The following BIRC7 variants were observed in gnomAD, a reference collection of about 807,000 sequenced individuals.
The protein encoded by BIRC7 is baculoviral IAP repeat containing 7, also known as baculoviral IAP repeat-containing protein 7.
A neutral mutation model predicts 33.2 loss-of-function variants in BIRC7; 26 were observed. The ratio of observed to expected loss-of-function variants is 0.78; its 90% CI spans 0.57 to 1.09. BIRC7 has a LOEUF of 1.09. Ranked by LOEUF, BIRC7 falls within the 50% of genes least tolerant of loss-of-function variation. BIRC7 has a pLI of 0.00. For synonymous variants in BIRC7, 176 were observed against 171.0 expected, an observed-to-expected ratio of 1.03 and a Z score of -0.23; for missense variants, 409 against 401.2, an observed-to-expected ratio of 1.02 and a Z score of -0.17.
In BIRC7 at chr20:63,238,740, C is replaced by G. The variant is rs766000016; in HGVS notation, c.577+126C>G. 7 of 1,356,318 alleles carry G rather than the reference C, an allele frequency of 5.2e-6. No individual in the cohort carries two copies. In the Admixed American group the frequency reaches 1.3e-4, roughly 26 times the overall value. The allele number at this position is 1,356,318 out of a possible 1,614,324, so 84.0% of individuals were successfully genotyped here. On this transcript the variant is annotated intron_variant, in intron 4 of 6. Transcript: ENST00000217169. ...GACGGGCACGTGACAGGGTGTGACGCTGCTGCCTGGGTTGGCTTCAGGGGG... is the reference window on the plus strand; with the variant it reads ...GACGGGCACGTGACAGGGTGTGACGGTGCTGCCTGGGTTGGCTTCAGGGGG...
rs781384192 is a variant in BIRC7, at chr20:63,239,176, T to C, written c.592T>C (p.Tyr198His). The stretch of plus-strand genomic sequence containing the variant: ...ACTGTCCACAGTCCCTGCCTCTGGG[T>C]ACCCTGAGCTGCCCACACCCAGGAG... ...PVAPSVPASGYPELPTPRREV... is the reference protein window; with the variant it reads ...PVAPSVPASGHPELPTPRREV... Residue 198 changes from tyrosine to histidine, a missense_variant, in exon 5 of 7, where the codon TAC becomes CAC. Tyr to His is a moderately conservative substitution (Grantham distance 83, BLOSUM62 2). Transcript: ENST00000217169. 1.6e-5 allele frequency: 26 copies of C among 1,612,580 alleles called. No homozygotes were observed. In the Admixed American group the frequency reaches 1.8e-4, roughly 11 times the overall value.
intron 4 of BIRC7, 29 bp from the exon 5 acceptor site, chr20:63,239,133 G>T: frequency 6.2e-7 from 1 of 1,605,066 alleles, no homozygotes. Context: ...TTGGGAGTTA[G>T]GCCTCAAGTC....
rs534321225 is a variant in BIRC7 at position 63,239,784 on chromosome 20, C to T, written c.*5+174C>T. The stretch of plus-strand genomic sequence containing the variant: ...CCATCAATCTTACTACCTCCCTTGA[C>T]GCTTAGGTTGGGGCCTGGTCCTTCG... On this transcript the variant is annotated intron_variant, in intron 6 of 6. Coordinates refer to ENST00000217169, the MANE Select transcript of BIRC7 (RefSeq NM_139317.3). Among the ~76,000 whole-genome samples, 12 of 152,336 alleles carry T rather than the reference C, an allele frequency of 7.9e-5. No homozygotes were observed. The South Asian group carries it at 1.7e-3, about 21-fold the overall frequency.
Position 63,236,402 on chromosome 20 carries a change from G to T in BIRC7, c.306G>T (p.Glu102Asp), listed in dbSNP as rs765794477. ...TCTATGACTGGCCGCTGACTGCTGA[G>T]GTGCCACCCGAGCTGCTGGCTGCTG... ...ASFYDWPLTA[E>D]VPPELLAAAG... The change falls in exon 1 of 7, where the codon GAG (glutamate) becomes GAT (aspartate). Residue 102 changes from glutamate to aspartate, a missense_variant. Glu to Asp is a conservative substitution (Grantham distance 45, BLOSUM62 2). Coordinates refer to ENST00000217169, the MANE Select transcript of BIRC7 (RefSeq NM_139317.3). The T allele has an allele frequency of 6.4e-7, 1 of 1,558,422 alleles. No homozygotes were observed. The highest frequency in any genetic ancestry group is 2.3e-5 in the East Asian group (1 of 44,238).
chr20:63,238,955 G>A (rs2066711272), intron 4 of BIRC7: 1 of 648,358 alleles, frequency 1.5e-6, no homozygotes, highest in Non-Finnish European at 2.7e-6. Flanking sequence ...CATTGGACAA[G>A]GGACAGGCTC....
In BIRC7 at chr20:63,239,531, T is replaced by C. The variant is rs144498460; in HGVS notation, c.823T>C (p.Cys275Arg). ...GTGCGGCCACCTGGTCTGTGCTGAG[T>C]GTGCCCCCGGCCTGCAGCTGTGCCC... is the stretch of plus-strand genomic sequence containing the variant. ...VPCGHLVCAE[C>R]APGLQLCPIC... The change falls in exon 6 of 7, where the codon TGT becomes CGT. Residue 275 changes from cysteine to arginine, a missense_variant. Coordinates refer to ENST00000217169, the MANE Select transcript of BIRC7 (RefSeq NM_139317.3). The C allele has an allele frequency of 9.3e-6, 15 of 1,604,754 alleles. No individual in the cohort carries two copies. The South Asian group carries it at 1.6e-4, about 18-fold the overall frequency.
chr20:63,236,329 G>T lies in BIRC7; in HGVS notation c.233G>T (p.Gly78Val), dbSNP rs1165758274. Residue 78 changes from glycine (G) to valine (V), a missense_variant, in exon 1 of 7, where the codon GGG (glycine) becomes GTG (valine). Coordinates refer to ENST00000217169, the MANE Select transcript of BIRC7 (RefSeq NM_139317.3). ...EEGAGATLSR[G>V]PAFPGMGSEE... is the part of the protein sequence containing the mutation. ...GGCGCCGGGGCCACCTTGTCCAGGG[G>T]GCCTGCCTTCCCCGGCATGGGCTCT... 1.2e-6 allele frequency: 2 copies of T among 1,605,734 alleles called. No homozygotes were observed. Among genetic ancestry groups the T allele is most frequent in the Non-Finnish European group, 1.7e-6 (2 of 1,174,924 alleles).
chr20:63,239,169 C>T lies in BIRC7; in HGVS notation c.585C>T (p.Ala195=), dbSNP rs1192011111. 26 of 1,612,644 alleles carry T rather than the reference C, an allele frequency of 1.6e-5. No homozygotes were observed. The highest frequency in any genetic ancestry group is 2.0e-5 in the Non-Finnish European group (24 of 1,179,960). ...TATCCTAACTGTCCACAGTCCCTGC[C>T]TCTGGGTACCCTGAGCTGCCCACAC... ...DAAPVAPSVP[A]SGYPELPTPR... The change falls in exon 5 of 7, where the codon GCC becomes GCT. Residue 195 remains alanine, a synonymous_variant. Transcript: ENST00000217169.
intron 4 of BIRC7, chr20:63,238,931 G>C: frequency 1.6e-6 from 1 of 630,300 alleles, no homozygotes; most frequent in Non-Finnish European, 2.8e-6. Flanking sequence ...CAGATGGGCA[G>C]GATGTGCAGA....
At chr20:63,237,844 AC>A in intron 1 of BIRC7, 58 bp from the exon 2 acceptor site, 1 of 1,463,616 alleles carries the variant, frequency 6.8e-7, no homozygotes, top group East Asian at 2.5e-5. Flanking sequence ...GGAAGGACAC[AC>A]CGGGGGCCCG....
At position 63,239,143 on chromosome 20, in the gene BIRC7, C is replaced by T. The variant is rs905695905; in HGVS notation, c.578-19C>T. On this transcript the variant is annotated intron_variant, in intron 4 of 6. Transcript: ENST00000217169. The stretch of plus-strand genomic sequence containing the variant: ...TCTCCTTGGGAGTTAGGCCTCAAGT[C>T]TATCCTAACTGTCCACAGTCCCTGC... The T allele has an allele frequency of 3.7e-6, 6 of 1,609,290 alleles. No individual in the cohort carries two copies. The African/African-American group carries it at 5.3e-5, about 14-fold the overall frequency.
At position 63,236,555 on chromosome 20, in the gene BIRC7, T is replaced by A. The variant is rs1047836641; in HGVS notation, c.349+110T>A. ...AGCATCCATCCCCCAACAGGAAGGG[T>A]CTGGCCTGATGACGGAGCAGTGGTC... On this transcript the variant is annotated intron_variant, in intron 1 of 6. Coordinates refer to ENST00000217169, the MANE Select transcript of BIRC7 (RefSeq NM_139317.3). The A allele has an allele frequency of 4.3e-6, 6 of 1,391,652 alleles. No homozygotes were observed. In the Admixed American group the frequency reaches 1.4e-4, roughly 33 times the overall value. 86.2% of individuals were successfully genotyped at this position (1,391,652 alleles called of 1,614,324 possible).
chr20:63,239,145 A>G lies in BIRC7; in HGVS notation c.578-17A>G, dbSNP rs780184137. 3 of 1,610,308 alleles carry G rather than the reference A, an allele frequency of 1.9e-6. No individual in the cohort carries two copies. Among genetic ancestry groups the G allele is most frequent in the East Asian group, 4.5e-5 (2 of 44,852 alleles). ...TCCTTGGGAGTTAGGCCTCAAGTCT[A>G]TCCTAACTGTCCACAGTCCCTGCCT... On this transcript the variant is annotated splice_polypyrimidine_tract_variant and intron_variant, in intron 4 of 6. Coordinates refer to ENST00000217169, the MANE Select transcript of BIRC7 (RefSeq NM_139317.3).
rs763123962 is a variant in BIRC7 at position 63,238,454 on chromosome 20, C to G, written c.508C>G (p.His170Asp). The change falls in exon 3 of 7, where the codon CAC (histidine) becomes GAC (aspartate). Residue 170 changes from histidine to aspartate, a missense_variant. Coordinates refer to ENST00000217169, the MANE Select transcript of BIRC7 (RefSeq NM_139317.3). The stretch of plus-strand genomic sequence containing the variant: ...CTTTGTCCACAGTGTGCAGGAGACT[C>G]ACTCCCAGCTGCTGGGCTCCTGGGT... Reference protein sequence around the residue: ...RDFVHSVQETHSQLLGSWDPW... With the variant: ...RDFVHSVQETDSQLLGSWDPW... 1 of 1,612,806 alleles carries G rather than the reference C, an allele frequency of 6.2e-7. No homozygotes were observed. The highest frequency in any genetic ancestry group is 8.5e-7 in the Non-Finnish European group (1 of 1,179,956).
In BIRC7 at chr20:63,238,238, C is replaced by A. The variant is rs750864475; in HGVS notation, c.450-158C>A. The A allele has an allele frequency of 8.3e-6, 8 of 958,528 alleles. No homozygotes were observed. In the Admixed American group the frequency reaches 1.3e-4, roughly 15 times the overall value. The allele number at this position is 958,528 out of a possible 1,614,324, so 59.4% of individuals were successfully genotyped here. A position where few individuals can be genotyped will look rare whatever the true frequency, so the allele number is the denominator to read the frequency against. On this transcript the variant is annotated intron_variant, in intron 2 of 6. Coordinates refer to ENST00000217169, the MANE Select transcript of BIRC7 (RefSeq NM_139317.3). ...TCTCCCATGGGACTACCCTGAAGCC[C>A]CATGGAGGCGTCTCCACAGCAGCCC...
rs756392886 is a variant in BIRC7 at position 63,237,942 on chromosome 20, G to T, written c.389G>T (p.Gly130Val). 5.0e-6 allele frequency: 8 copies of T among 1,608,504 alleles called. No homozygotes were observed. The South Asian group carries it at 8.8e-5, about 18-fold the overall frequency. ...DKVRCFFCYGGLQSWKRGDDP... is the reference protein window; with the variant it reads ...DKVRCFFCYGVLQSWKRGDDP... ...GTGAGGTGCTTCTTCTGCTATGGGG[G>T]CCTGCAGAGCTGGAAGCGCGGGGAC... Residue 130 changes from glycine to valine, a missense_variant, in exon 2 of 7, where the codon GGC (glycine) becomes GTC (valine). Physicochemically the swap from Gly to Val is moderately radical, Grantham distance 109. Coordinates refer to ENST00000217169, the MANE Select transcript of BIRC7 (RefSeq NM_139317.3).
rs775833040 is a variant in BIRC7 at position 63,236,309 on chromosome 20, C to T, written c.213C>T (p.Ala71=). The change falls in exon 1 of 7, where the codon GCC becomes GCT. Residue 71 remains alanine (A), a synonymous_variant. Transcript: ENST00000217169. ...PLTEEEEEEG[A]GATLSRGPAF... ...CAGAGGAGGAAGAGGAGGAGGGCGC[C>T]GGGGCCACCTTGTCCAGGGGGCCTG... 72 of 1,610,338 alleles carry T rather than the reference C, an allele frequency of 4.5e-5. No homozygotes were observed. In the East Asian group the frequency reaches 6.7e-4, roughly 15 times the overall value.
In BIRC7 at chr20:63,238,454, C is replaced by T; in HGVS notation, c.508C>T (p.His170Tyr). ...RDFVHSVQET[H>Y]SQLLGSWDPW... is the part of the protein sequence containing the mutation. Reference sequence around the variant, plus strand: ...CTTTGTCCACAGTGTGCAGGAGACTCACTCCCAGCTGCTGGGCTCCTGGGT... The same window carrying T: ...CTTTGTCCACAGTGTGCAGGAGACTTACTCCCAGCTGCTGGGCTCCTGGGT... The change falls in exon 3 of 7, where the codon CAC (histidine) becomes TAC (tyrosine). Residue 170 changes from histidine (H) to tyrosine (Y), a missense_variant. Transcript: ENST00000217169. The T allele has an allele frequency of 6.2e-7, 1 of 1,612,806 alleles. No individual in the cohort carries two copies. Among genetic ancestry groups the T allele is most frequent in the Non-Finnish European group, 8.5e-7 (1 of 1,179,956 alleles).
rs375365000 is a variant in BIRC7 at position 63,238,497 on chromosome 20, G to C, written c.531+20G>C. ...TCCTGGGTGAGCGCCACCTCTCCTCGGGGCTCCGGGTGGCAGTGGGGTCCT... is the reference window on the plus strand; with the variant it reads ...TCCTGGGTGAGCGCCACCTCTCCTCCGGGCTCCGGGTGGCAGTGGGGTCCT... On this transcript the variant is annotated intron_variant, in intron 3 of 6. Coordinates refer to ENST00000217169, the MANE Select transcript of BIRC7 (RefSeq NM_139317.3). 63 of 1,612,924 alleles carry C rather than the reference G, an allele frequency of 3.9e-5. No individual in the cohort carries two copies. Among genetic ancestry groups the C allele is most frequent in the Middle Eastern group, 1.7e-4 (1 of 6,058 alleles).
Sources: allele counts gnomAD v4.1 joint callset (sites outside exome capture counted in the v4.1 genomes callset), GRCh38; gene constraint gnomAD v4.1.1; transcripts MANE v1.5; gene names NCBI Gene and HGNC (gene_info 2026-07-23, HGNC 2026-07-21).